RBMS3: variants seen among roughly 807,000 people sequenced by gnomAD.
The protein encoded by RBMS3 is RNA binding motif single stranded interacting protein 3.
In RBMS3, 27 loss-of-function variants were observed where a neutral mutation model predicts 66.8. The observed-to-expected ratio is 0.40, with a 90% CI of 0.30 to 0.56. The LOEUF (loss-of-function observed/expected upper bound fraction) is 0.56, where lower values mean the gene tolerates loss of function less well. Among genes scored for constraint, RBMS3 ranks in the 20% least tolerant of loss-of-function variants. RBMS3 has a pLI of 0.40. For missense variants in RBMS3, 513 were observed against 549.5 expected (o/e 0.93, Z 0.66); for synonymous variants, 188 against 183.0 (o/e 1.03, Z -0.22).
intron 4 of RBMS3, among the ~76,000 whole-genome samples, chr3:29,614,173 C>T (rs572287836): frequency 6.6e-6 from 1 of 152,172 alleles, no homozygotes; most frequent in African/African-American, 2.4e-5. Flanking sequence ...TAATTTGCAA[C>T]ATGGATGAAC....
At chr3:29,635,888 T>A (rs1395142000) in intron 4 of RBMS3, among the ~76,000 whole-genome samples, 1 of 151,718 alleles carries the variant, frequency 6.6e-6, no homozygotes, top group Non-Finnish European at 1.5e-5. Flanking sequence ...TGGGTCCAGG[T>A]GGAAGAATGG....
At chr3:29,492,030 T>C (rs2043567334) in intron 3 of RBMS3, among the ~76,000 whole-genome samples, 1 of 152,022 alleles carries the variant, frequency 6.6e-6, no homozygotes, top group Admixed American at 6.6e-5. Flanking sequence ...TTTAGACCGT[T>C]TGCCCTGAGG....
At chr3:29,953,271 T>G (rs1213209707) in intron 12 of RBMS3, among the ~76,000 whole-genome samples, 1 of 151,892 alleles carries the variant, frequency 6.6e-6, no homozygotes, top group Admixed American at 6.6e-5. Context: ...CGAGCTGTCA[T>G]TGGCAAAGAT....
At chr3:29,507,229 A>C (rs1482776993) in intron 3 of RBMS3, among the ~76,000 whole-genome samples, 1 of 151,888 alleles carries the variant, frequency 6.6e-6, no homozygotes, top group Non-Finnish European at 1.5e-5. Context: ...TCATTTCAAG[A>C]GTCAATAAAC....
intron 14 of RBMS3, among the ~76,000 whole-genome samples, chr3:30,001,004 G>A (rs554881853): frequency 1.3e-4 from 19 of 151,514 alleles, no homozygotes; most frequent in African/African-American, 4.4e-4. Context: ...AAACCTGCAC[G>A]TTCTGCATAT....
chr3:29,412,518 A>G (rs1475617210), intron 1 of RBMS3, among the ~76,000 whole-genome samples: 1 of 152,204 alleles, frequency 6.6e-6, no homozygotes, highest in African/African-American at 2.4e-5. Flanking sequence ...AACTAATAAT[A>G]TAATTGGGGG....
intron 1 of RBMS3, among the ~76,000 whole-genome samples, chr3:29,342,868 CAA>C (rs2036357584): frequency 6.6e-6 from 1 of 151,920 alleles, no homozygotes; most frequent in African/African-American, 2.4e-5. Context: ...TTATAAGATA[CAA>C]AAAAGCCAAA....
At chr3:29,354,924 A>G (rs950984463) in intron 1 of RBMS3, among the ~76,000 whole-genome samples, 14 of 152,144 alleles carry the variant, frequency 9.2e-5, no homozygotes, top group African/African-American at 3.1e-4. Context: ...TGTTAAAAAG[A>G]CTTCTGAGAT....
At chr3:29,823,367 G>C (rs2058122703) in intron 6 of RBMS3, among the ~76,000 whole-genome samples, 1 of 152,136 alleles carries the variant, frequency 6.6e-6, no homozygotes, top group Non-Finnish European at 1.5e-5. Context: ...TCAGAAATAT[G>C]TTTGTGAGAT....
intron 4 of RBMS3, among the ~76,000 whole-genome samples, chr3:29,682,109 C>T (rs193287732): frequency 2.0e-5 from 3 of 152,262 alleles, no homozygotes; most frequent in East Asian, 3.9e-4. Flanking sequence ...ACCAATCTTA[C>T]GAAAGGATGG....
intron 4 of RBMS3, among the ~76,000 whole-genome samples, chr3:29,694,044 C>T (rs369985501): frequency 2.2e-4 from 34 of 152,234 alleles, no homozygotes; most frequent in South Asian, 8.3e-4. Context: ...GGAACACTTA[C>T]GCAGTGAACA....
At chr3:29,516,586 G>A (rs940772621) in intron 3 of RBMS3, among the ~76,000 whole-genome samples, 1 of 152,016 alleles carries the variant, frequency 6.6e-6, no homozygotes, top group Non-Finnish European at 1.5e-5. Flanking sequence ...GGGAACACAG[G>A]TGCATGCCAC....
At chr3:29,344,607 A>G (rs2036468584) in intron 1 of RBMS3, among the ~76,000 whole-genome samples, 1 of 152,078 alleles carries the variant, frequency 6.6e-6, no homozygotes, top group Non-Finnish European at 1.5e-5. Flanking sequence ...TCCAAAATCA[A>G]TTAGCTATTA....
chr3:29,304,402 T>C (rs2125452211), intron 1 of RBMS3, among the ~76,000 whole-genome samples: 2 of 152,092 alleles, frequency 1.3e-5, no homozygotes, highest in South Asian at 4.1e-4. Context: ...TTAAAAGCAC[T>C]AGGAGACTAT....
At chr3:29,674,987 TA>T in intron 4 of RBMS3, among the ~76,000 whole-genome samples, 1 of 152,300 alleles carries the variant, frequency 6.6e-6, no homozygotes, top group African/African-American at 2.4e-5. Context: ...GGCATCACGC[TA>T]CCTGACTTCA....
intron 4 of RBMS3, among the ~76,000 whole-genome samples, chr3:29,656,598 G>C (rs2050335829): frequency 1.3e-5 from 2 of 152,122 alleles, no homozygotes; most frequent in African/African-American, 4.8e-5. Flanking sequence ...AATGTAAAGA[G>C]AGCAAAACCC....
chr3:29,669,562 G>T (rs139746078), intron 4 of RBMS3, among the ~76,000 whole-genome samples: 2 of 152,108 alleles, frequency 1.3e-5, no homozygotes, highest in African/African-American at 4.8e-5. Flanking sequence ...CTTAAGATCC[G>T]CAAAATGAAG....
intron 4 of RBMS3, among the ~76,000 whole-genome samples, chr3:29,624,632 A>G (rs939274515): frequency 3.3e-5 from 5 of 152,200 alleles, no homozygotes. Flanking sequence ...TGATAACTCC[A>G]AGGGCCATAG....
chr3:29,762,247 A>T (rs2055721083), intron 5 of RBMS3, among the ~76,000 whole-genome samples: 2 of 152,146 alleles, frequency 1.3e-5, no homozygotes, highest in African/African-American at 4.8e-5. Flanking sequence ...GTGTATCTAT[A>T]CCTTCCTTCA....
Sources: gnomAD v4.1 joint callset for allele counts (sites outside exome capture counted in the v4.1 genomes callset) on GRCh38, gnomAD v4.1.1 for gene constraint, MANE v1.5 for transcripts, NCBI Gene and HGNC (gene_info 2026-07-23, HGNC 2026-07-21) for gene names.